The following GLTP variants were observed in gnomAD, a reference collection of about 807,000 sequenced individuals.
GLTP encodes glycolipid transfer protein.
A neutral mutation model predicts 24.0 loss-of-function variants in GLTP; 22 were observed. That is an observed-to-expected ratio of 0.92 (90% CI 0.65 to 1.31). The LOEUF is 1.31. Ranked by LOEUF, GLTP falls within the 50% of genes most tolerant of loss-of-function variation. The pLI is 0.00. For synonymous variants in GLTP, 92 were observed against 115.9 expected (o/e 0.79, Z 1.33); for missense variants, 224 against 276.6 (o/e 0.81, Z 1.35).
At chr12:109,861,978 C>T (rs948504617) in intron 1 of GLTP, among the ~76,000 whole-genome samples, 3 of 152,170 alleles carry the variant, frequency 2.0e-5, no homozygotes, top group African/African-American at 7.2e-5. Context: ...TGTGAGGCCC[C>T]GCTAGGGCTG....
In GLTP at chr12:109,855,171, C is replaced by G. The variant is rs905117934; in HGVS notation, c.447+448G>C. Among the ~76,000 whole-genome samples the G allele has an allele frequency of 6.6e-6, 1 of 152,198 alleles. No homozygotes were observed. Among genetic ancestry groups the G allele is most frequent in the Non-Finnish European group, 1.5e-5 (1 of 68,036 alleles). ...CCTCCAGGAGCCCTGGCCAATGTCACCCCAACACAAGCCACCAAGAACCCA... is the reference window on the plus strand; with the variant it reads ...CCTCCAGGAGCCCTGGCCAATGTCAGCCCAACACAAGCCACCAAGAACCCA... On this transcript the variant is annotated intron_variant, in intron 4 of 4. Transcript: ENST00000318348. This position sits in a 1 kb window ranked among gnomAD's most constrained non-coding sequence, Gnocchi z 4.1.
In GLTP at chr12:109,880,370, G is replaced by C. The variant is rs866777297; in HGVS notation, c.5C>G (p.Ala2Gly). 3.2e-6 allele frequency: 5 copies of C among 1,573,074 alleles called. No homozygotes were observed. The African/African-American group carries it at 5.5e-5, about 17-fold the overall frequency. M[A>G]LLAEHLLKPL... The stretch of plus-strand genomic sequence containing the variant: ...CTTCAGCAAGTGTTCGGCCAGCAGC[G>C]CCATTTCGGGGTCGAGGCCCGCGGT... The change falls in exon 1 of 5, where the codon GCG becomes GGG. Residue 2 changes from alanine to glycine, a missense_variant. Coordinates refer to ENST00000318348, the MANE Select transcript of GLTP (RefSeq NM_016433.4). The surrounding 1 kb of genome is among the most constrained non-coding windows in gnomAD (Gnocchi z 5.1).
In GLTP at chr12:109,852,405, A is replaced by T. The variant is rs1892737397; in HGVS notation, c.*150T>A. The stretch of plus-strand genomic sequence containing the variant: ...AAAAAAAAAAAAGACTTAAAAAACG[A>T]GGGCTGTCCCCTGCAGACTCTGGCA... On this transcript the variant is annotated 3_prime_UTR_variant, in exon 5 of 5. Transcript: ENST00000318348. 1.9e-5 allele frequency: 10 copies of T among 519,390 alleles called. No individual in the cohort carries two copies. Among genetic ancestry groups the T allele is most frequent in the Admixed American group, 5.8e-5 (2 of 34,484 alleles). 32.2% of individuals were successfully genotyped at this position (519,390 alleles called of 1,614,324 possible).
chr12:109,867,903 G>T (rs1464040764), intron 1 of GLTP, among the ~76,000 whole-genome samples: 2 of 151,542 alleles, frequency 1.3e-5, no homozygotes, highest in Non-Finnish European at 2.9e-5. Flanking sequence ...TCAGCTTCCT[G>T]AGTAGCTGGG....
In GLTP at chr12:109,880,142, G is replaced by A; in HGVS notation, c.103+130C>T. On this transcript the variant is annotated intron_variant, in intron 1 of 4. Coordinates refer to ENST00000318348, the MANE Select transcript of GLTP (RefSeq NM_016433.4). The surrounding 1 kb of genome is among the most constrained non-coding windows in gnomAD (Gnocchi z 5.1). The stretch of plus-strand genomic sequence containing the variant: ...AATTTAGGGTGAGTGGAGGGAAAGA[G>A]GATCTTGGGTGCCTGGGGAAACAGT... 5.1e-6 allele frequency: 3 copies of A among 589,648 alleles called. No individual in the cohort carries two copies. The highest frequency in any genetic ancestry group is 3.4e-5 in the East Asian group (1 of 29,464). 36.5% of individuals were successfully genotyped at this position (589,648 alleles called of 1,614,324 possible).
rs1481336806 is a variant in GLTP at position 109,866,839 on chromosome 12, A to G, written c.104-8098T>C. On this transcript the variant is annotated intron_variant, in intron 1 of 4. Transcript: ENST00000318348. ...CAGTGGCACAATCATGGCTCATTGTAGTCTGGAACTCCTGGTCTCAAGCAA... is the reference window on the plus strand; with the variant it reads ...CAGTGGCACAATCATGGCTCATTGTGGTCTGGAACTCCTGGTCTCAAGCAA... Among the ~76,000 whole-genome samples, 3 of 144,930 alleles carry G rather than the reference A, an allele frequency of 2.1e-5. No homozygotes were observed. The Admixed American group carries it at 2.1e-4, about 10-fold the overall frequency.
chr12:109,868,118 C>T (rs1295096438), intron 1 of GLTP, among the ~76,000 whole-genome samples: 2 of 152,256 alleles, frequency 1.3e-5, no homozygotes, highest in East Asian at 1.9e-4. Flanking sequence ...GATCCTCCAG[C>T]CTCAGTCTCT....
rs369558876 is a variant in GLTP at position 109,871,495 on chromosome 12, C to T, written c.103+8777G>A. Among the ~76,000 whole-genome samples the T allele has an allele frequency of 3.3e-5, 5 of 152,278 alleles. No homozygotes were observed. The East Asian group carries it at 5.8e-4, about 18-fold the overall frequency. The stretch of plus-strand genomic sequence containing the variant: ...ACAAGGGACATTTCTGCCCTAGAGA[C>T]GACTTCCAACGTCTTCCTGTTTCCT... On this transcript the variant is annotated intron_variant, in intron 1 of 4. Transcript: ENST00000318348.
At position 109,872,995 on chromosome 12, in the gene GLTP, T is replaced by C. The variant is rs549660869; in HGVS notation, c.103+7277A>G. ...GCCCAATACAAATTCATAAACTTTC[T>C]TAAAACATTATGAGATTTGAGTTTT... On this transcript the variant is annotated intron_variant, in intron 1 of 4. Transcript: ENST00000318348. Among the ~76,000 whole-genome samples, 3 of 152,360 alleles carry C rather than the reference T, an allele frequency of 2.0e-5. No homozygotes were observed. In the East Asian group the frequency reaches 5.8e-4, roughly 29 times the overall value.
intron 1 of GLTP, among the ~76,000 whole-genome samples, chr12:109,871,388 A>G (rs1325061668): frequency 6.6e-6 from 1 of 152,012 alleles, no homozygotes; most frequent in Non-Finnish European, 1.5e-5. Flanking sequence ...CCCGGCCCCA[A>G]TATTTCCATT....
At chr12:109,869,298 T>C (rs1173256837) in intron 1 of GLTP, among the ~76,000 whole-genome samples, 2 of 50,694 alleles carry the variant, frequency 3.9e-5, no homozygotes, top group African/African-American at 1.3e-4. Flanking sequence ...AGTAAGGCTC[T>C]ACCTCAAAAA....
At chr12:109,862,359 C>T (rs1283218604) in intron 1 of GLTP, among the ~76,000 whole-genome samples, 1 of 152,174 alleles carries the variant, frequency 6.6e-6, no homozygotes. Context: ...TCCAGCACTG[C>T]TACTGCTGCC....
intron 1 of GLTP, among the ~76,000 whole-genome samples, chr12:109,861,397 CTT>C (rs1782934571): frequency 6.6e-6 from 1 of 152,180 alleles, no homozygotes; most frequent in African/African-American, 2.4e-5. Context: ...TCAGTTTCCT[CTT>C]GTGTCAAATG....
intron 1 of GLTP, among the ~76,000 whole-genome samples, chr12:109,871,336 C>T (rs1262050338): frequency 2.0e-5 from 3 of 152,056 alleles, no homozygotes; most frequent in Non-Finnish European, 4.4e-5. Flanking sequence ...CTACCCGCTT[C>T]GGCCCCCCAA....
intron 1 of GLTP, among the ~76,000 whole-genome samples, chr12:109,864,456 C>T (rs1158295472): frequency 1.3e-5 from 2 of 152,162 alleles, no homozygotes. Context: ...ACTCCAGGTT[C>T]AGGCCCTTCG....
chr12:109,865,398 G>A lies in GLTP; in HGVS notation c.104-6657C>T, dbSNP rs56124803. ...TCCCAACACTTTGGGAGGCCGAGGC[G>A]GGCGGATCACCTGAGATCCGGAGTT... On this transcript the variant is annotated intron_variant, in intron 1 of 4. Coordinates refer to ENST00000318348, the MANE Select transcript of GLTP (RefSeq NM_016433.4). Among the ~76,000 whole-genome samples, 1,088 of 152,084 alleles carry A rather than the reference G, an allele frequency of 7.2e-3. 9 individuals are homozygous for A. The highest frequency in any genetic ancestry group is 0.012 in the Non-Finnish European group (803 of 67,982).
At position 109,857,391 on chromosome 12, in the gene GLTP, A is replaced by G; in HGVS notation, c.296+135T>C. 1 of 994,270 alleles carries G rather than the reference A, an allele frequency of 1.0e-6. No homozygotes were observed. The highest frequency in any genetic ancestry group is 1.5e-6 in the Non-Finnish European group (1 of 670,244). The allele number at this position is 994,270 out of a possible 1,614,324, so 61.6% of individuals were successfully genotyped here. On this transcript the variant is annotated intron_variant, in intron 3 of 4. Coordinates refer to ENST00000318348, the MANE Select transcript of GLTP (RefSeq NM_016433.4). The surrounding 1 kb of genome is among the most constrained non-coding windows in gnomAD (Gnocchi z 4.3). ...CCTGGCCATTGGGAGGCCTTTTCCC[A>G]GCCATTAACTAGCATCACACTGGAA...
intron 1 of GLTP, among the ~76,000 whole-genome samples, chr12:109,870,335 G>A (rs2136048319): frequency 6.6e-6 from 1 of 152,118 alleles, no homozygotes. Flanking sequence ...GTGTGGTGGT[G>A]TGTGCCTATA....
rs980599394 is a variant in GLTP, at chr12:109,851,644, CA to C, written c.*910del. 6.6e-6 allele frequency: 1 copy of C among 152,114 alleles called. No individual in the cohort carries two copies. The highest frequency in any genetic ancestry group is 2.4e-5 in the African/African-American group (1 of 41,406). The allele number at this position is 152,114 out of a possible 1,614,324, so 9.4% of individuals were successfully genotyped here. A position where few individuals can be genotyped will look rare whatever the true frequency, so the allele number is the denominator to read the frequency against. On this transcript the variant is annotated 3_prime_UTR_variant, in exon 5 of 5. Coordinates refer to ENST00000318348, the MANE Select transcript of GLTP (RefSeq NM_016433.4). ...GAGACAGAGTTTCGCTTTTGTTGCC[CA>C]GGCTGGAATGCAGTGGCGCGATCTC... is the stretch of plus-strand genomic sequence containing the variant.
Sources: gnomAD v4.1 joint callset for allele counts (sites outside exome capture counted in the v4.1 genomes callset) on GRCh38, gnomAD v4.1.1 for gene constraint, Gnocchi (gnomAD v3.1) non-coding constraint, MANE v1.5 for transcripts, NCBI Gene and HGNC (gene_info 2026-07-23, HGNC 2026-07-21) for gene names.